NPAS3: variants seen among roughly 807,000 people sequenced by gnomAD.
The protein encoded by NPAS3 is neuronal PAS domain protein 3.
Under a neutral mutation model 73.1 loss-of-function variants are expected in NPAS3, and 14 were observed. The ratio of observed to expected loss-of-function variants is 0.19; its 90% confidence interval spans 0.13 to 0.30. The LOEUF is 0.30. Among genes scored for constraint, NPAS3 ranks in the 10% least tolerant of loss-of-function variants. The pLI is 1.00. For missense variants in NPAS3, 1,096 were observed against 1,250.0 expected, an observed-to-expected ratio of 0.88 and a Z score of 1.86; for synonymous variants, 620 against 541.5, an observed-to-expected ratio of 1.14 and a Z score of -2.01.
chr14:33,549,263 A>T (rs2054993961), intron 4 of NPAS3, among the ~76,000 whole-genome samples: 1 of 152,086 alleles, frequency 6.6e-6, no homozygotes, highest in African/African-American at 2.4e-5. Context: ...ACGGGGTCTC[A>T]CTCTATCACT....
chr14:33,281,499 G>A (rs2041606629), intron 3 of NPAS3, among the ~76,000 whole-genome samples: 1 of 152,066 alleles, frequency 6.6e-6, no homozygotes, highest in Non-Finnish European at 1.5e-5. Context: ...GGGCGTGGTG[G>A]TGCATGTCTG....
intron 1 of NPAS3, among the ~76,000 whole-genome samples, chr14:33,043,030 A>G (rs2040395152): frequency 6.6e-6 from 1 of 152,172 alleles, no homozygotes; most frequent in Admixed American, 6.6e-5. Flanking sequence ...ATGTAGTTTT[A>G]GTTGAATGTA....
At chr14:33,614,276 G>C (rs1270430279) in intron 5 of NPAS3, among the ~76,000 whole-genome samples, 1 of 152,198 alleles carries the variant, frequency 6.6e-6, no homozygotes, top group Non-Finnish European at 1.5e-5. Flanking sequence ...ATCTCATAGA[G>C]GCCCCAAAAT....
At chr14:33,089,150 A>C (rs1393675411) in intron 2 of NPAS3, among the ~76,000 whole-genome samples, 1 of 152,236 alleles carries the variant, frequency 6.6e-6, no homozygotes, top group East Asian at 1.9e-4. Context: ...CTGGACGGAG[A>C]ATATCTTTGA....
intron 4 of NPAS3, among the ~76,000 whole-genome samples, chr14:33,552,857 A>G (rs1263442443): frequency 6.6e-6 from 1 of 152,210 alleles, no homozygotes; most frequent in Non-Finnish European, 1.5e-5. Flanking sequence ...TCTGAATTCA[A>G]TGAGAGAGAA....
chr14:33,756,802 G>A (rs928551088), intron 7 of NPAS3, among the ~76,000 whole-genome samples: 2 of 152,178 alleles, frequency 1.3e-5, no homozygotes, highest in Non-Finnish European at 2.9e-5. Context: ...GCCATCTGAA[G>A]GAAAACAGAG....
chr14:32,987,106 G>A (rs376845336), intron 1 of NPAS3, among the ~76,000 whole-genome samples: 4 of 152,032 alleles, frequency 2.6e-5, no homozygotes, highest in Non-Finnish European at 4.4e-5. Flanking sequence ...CATTACCATA[G>A]AGCAGAGAGT....
intron 1 of NPAS3, among the ~76,000 whole-genome samples, chr14:32,952,818 C>A (rs1173395238): frequency 6.6e-6 from 1 of 152,018 alleles, no homozygotes; most frequent in East Asian, 1.9e-4. Context: ...TGCTTGTAAT[C>A]CCAGCACTGT....
At chr14:32,935,040 C>A, upstream of NPAS3, 1 of 1,228,188 alleles carries the variant, frequency 8.1e-7, no homozygotes, top group Non-Finnish European at 1.0e-6. Context: ...AGTGCCCCCG[C>A]CCCGGGGTGC....
chr14:33,613,654 C>T (rs2057821942), intron 5 of NPAS3, among the ~76,000 whole-genome samples: 1 of 152,178 alleles, frequency 6.6e-6, no homozygotes, highest in Admixed American at 6.5e-5. Flanking sequence ...CAGCCTTCTC[C>T]CTTTTAGCCA....
intron 1 of NPAS3, among the ~76,000 whole-genome samples, chr14:33,052,628 A>C (rs2040750168): frequency 6.6e-6 from 1 of 152,198 alleles, no homozygotes; most frequent in Admixed American, 6.5e-5. Context: ...AGCTTAGATA[A>C]TGTATTTCAT....
At chr14:33,656,670 CCAG>C (rs1203398249) in intron 5 of NPAS3, among the ~76,000 whole-genome samples, 14 of 152,240 alleles carry the variant, frequency 9.2e-5, no homozygotes, top group Admixed American at 3.9e-4. Context: ...TTACTCTAGT[CCAG>C]CTAGAGTTTA....
intron 6 of NPAS3, among the ~76,000 whole-genome samples, chr14:33,728,736 G>C (rs2140600596): frequency 6.6e-6 from 1 of 152,304 alleles, no homozygotes; most frequent in South Asian, 2.1e-4. Flanking sequence ...TCAAAAGACA[G>C]AGAACAAAGT....
At chr14:33,435,521 C>T (rs552916949) in intron 4 of NPAS3, among the ~76,000 whole-genome samples, 22 of 152,150 alleles carry the variant, frequency 1.4e-4, no homozygotes, top group Admixed American at 1.2e-3. Flanking sequence ...TAATTTCCTG[C>T]CTAAATATGT....
At chr14:33,508,579 C>A (rs891100182) in intron 4 of NPAS3, among the ~76,000 whole-genome samples, 1 of 151,986 alleles carries the variant, frequency 6.6e-6, no homozygotes. Context: ...GGAAGCCAAC[C>A]ACACACAGGG....
chr14:33,784,917 AT>A (rs1456631786), intron 9 of NPAS3, among the ~76,000 whole-genome samples: 1 of 149,856 alleles, frequency 6.7e-6, no homozygotes, highest in Non-Finnish European at 1.5e-5. Flanking sequence ...CGCCCGGCTA[AT>A]TTTGTATTTT....
chr14:33,128,168 A>G (rs1487185160), intron 2 of NPAS3, among the ~76,000 whole-genome samples: 1 of 152,198 alleles, frequency 6.6e-6, no homozygotes, highest in Non-Finnish European at 1.5e-5. Flanking sequence ...TCCCAGTGGT[A>G]CTGTTTTTGG....
chr14:33,456,156 G>A (rs2050012914), intron 4 of NPAS3, among the ~76,000 whole-genome samples: 1 of 152,210 alleles, frequency 6.6e-6, no homozygotes, highest in African/African-American at 2.4e-5. Context: ...GCTTCCATCT[G>A]GAATGCATTA....
chr14:33,277,656 C>T (rs186108032), intron 3 of NPAS3, among the ~76,000 whole-genome samples: 232 of 152,200 alleles, frequency 1.5e-3, no homozygotes, highest in Admixed American at 2.3e-3. Context: ...TGATACAGAT[C>T]CCTGAGAAGA....
Sources: gnomAD v4.1 joint callset for allele counts (sites outside exome capture counted in the v4.1 genomes callset) on GRCh38, gnomAD v4.1.1 for gene constraint, MANE v1.5 for transcripts, NCBI Gene and HGNC (gene_info 2026-07-23, HGNC 2026-07-21) for gene names.